The following SPIRE1 variants were observed in gnomAD, a reference collection of about 807,000 sequenced individuals.
SPIRE1 encodes the protein protein spire homolog 1.
SPIRE1 carries 40 observed loss-of-function variants against 94.1 expected under a neutral mutation model. The ratio of observed to expected loss-of-function variants is 0.43; its 90% CI spans 0.33 to 0.55. SPIRE1 has a LOEUF of 0.55. Ranked by LOEUF, SPIRE1 falls within the 20% of genes least tolerant of loss-of-function variation. The pLI, the probability that SPIRE1 is intolerant of heterozygous loss-of-function variation, is 0.06. For synonymous variants in SPIRE1, 376 were observed against 371.7 expected (o/e 1.01, Z -0.13); for missense variants, 838 against 975.2 (o/e 0.86, Z 1.87).
upstream of SPIRE1, among the ~76,000 whole-genome samples, chr18:12,659,085 G>T (rs2038641226): frequency 6.6e-6 from 1 of 152,120 alleles, no homozygotes; most frequent in Non-Finnish European, 1.5e-5. Context: ...ATCACCCATT[G>T]GTAGATTAAT....
chr18:12,552,570 C>T (rs1298931487), intron 2 of SPIRE1, among the ~76,000 whole-genome samples: 2 of 152,030 alleles, frequency 1.3e-5, no homozygotes, highest in Admixed American at 6.6e-5. Context: ...AGCAGACAGC[C>T]CGGCACCACA....
At chr18:12,512,133 G>A (rs1212939089) in intron 5 of SPIRE1, among the ~76,000 whole-genome samples, 1 of 152,184 alleles carries the variant, frequency 6.6e-6, no homozygotes, top group African/African-American at 2.4e-5. Flanking sequence ...GAGAGGCCCA[G>A]GTGGGAGGAT....
chr18:12,486,058 G>A lies in SPIRE1; in HGVS notation c.1190-58C>T, dbSNP rs2033028119. 13 of 1,345,736 alleles carry A rather than the reference G, an allele frequency of 9.7e-6. No individual in the cohort carries two copies. In the Admixed American group the frequency reaches 1.0e-4, roughly 11 times the overall value. The allele number at this position is 1,345,736 out of a possible 1,614,324, so 83.4% of individuals were successfully genotyped here. ...ATAATTCAGCTGTTAGGAATATACA[G>A]AGAGGACAAAAAAGGGAACGGATTA... On this transcript the variant is annotated intron_variant, in intron 8 of 16. Transcript: ENST00000409402.
At chr18:12,515,580 T>C (rs2144057228) in intron 4 of SPIRE1, among the ~76,000 whole-genome samples, 2 of 152,282 alleles carry the variant, frequency 1.3e-5, no homozygotes, top group South Asian at 4.1e-4. Context: ...CTGGAATTAA[T>C]GTAATGAAAG....
intron 4 of SPIRE1, among the ~76,000 whole-genome samples, chr18:12,525,111 C>A (rs2034469815): frequency 6.6e-6 from 1 of 151,410 alleles, no homozygotes; most frequent in South Asian, 2.1e-4. Flanking sequence ...CCCGTCTCTA[C>A]TAAAAATACA....
chr18:12,564,795 G>A (rs181103308), intron 2 of SPIRE1, among the ~76,000 whole-genome samples: 97 of 152,304 alleles, frequency 6.4e-4, no homozygotes, highest in Admixed American at 1.0e-3. Flanking sequence ...GACCTGGTCA[G>A]AGGAGGACCC....
At chr18:12,506,707 C>T in intron 5 of SPIRE1, 66 bp from the exon 6 acceptor site, 1 of 1,407,720 alleles carries the variant, frequency 7.1e-7, no homozygotes, top group Non-Finnish European at 9.9e-7. Flanking sequence ...AACAGCTAGT[C>T]ATACAGAATA....
intron 6 of SPIRE1, among the ~76,000 whole-genome samples, chr18:12,497,157 T>G (rs977503908): frequency 6.6e-6 from 1 of 152,164 alleles, no homozygotes; most frequent in African/African-American, 2.4e-5. Context: ...GATTCACATT[T>G]TGTAAATAAA....
intron 8 of SPIRE1, among the ~76,000 whole-genome samples, chr18:12,492,078 GTA>G (rs1443758006): frequency 1.3e-5 from 2 of 152,178 alleles, no homozygotes; most frequent in African/African-American, 4.8e-5. Flanking sequence ...ACAGCTGGAC[GTA>G]TGAGTCTGCA....
intron 2 of SPIRE1, among the ~76,000 whole-genome samples, chr18:12,551,428 G>A (rs1028025166): frequency 6.6e-5 from 10 of 152,124 alleles, no homozygotes; most frequent in East Asian, 1.9e-4. Context: ...GTGGCTGGGC[G>A]CGGTGGCTCA....
chr18:12,635,100 T>C lies in SPIRE1; in HGVS notation c.338-4A>G. 6.5e-6 allele frequency: 9 copies of C among 1,376,910 alleles called. No individual in the cohort carries two copies. The highest frequency in any genetic ancestry group is 9.0e-6 in the Non-Finnish European group (9 of 999,820). 85.3% of individuals were successfully genotyped at this position (1,376,910 alleles called of 1,614,324 possible). The stretch of plus-strand genomic sequence containing the variant: ...CATTGTGAATATCCCAATTTACCTG[T>C]AATAAAAATGAAAAGGATTACTTTA... On this transcript the variant is annotated splice_polypyrimidine_tract_variant and splice_region_variant and intron_variant, in intron 1 of 16. Coordinates refer to ENST00000409402, the MANE Select transcript of SPIRE1 (RefSeq NM_001128626.2).
At chr18:12,553,663 A>G (rs1014293692) in intron 2 of SPIRE1, among the ~76,000 whole-genome samples, 1 of 151,532 alleles carries the variant, frequency 6.6e-6, no homozygotes, top group Non-Finnish European at 1.5e-5. Flanking sequence ...GCCTGGGGGA[A>G]CTTGCTGCCC....
intron 4 of SPIRE1, among the ~76,000 whole-genome samples, chr18:12,530,665 T>C (rs4332799): frequency 0.019 from 2,925 of 152,272 alleles, 104 homozygotes; most frequent in African/African-American, 0.067. Context: ...CAAATGCTAT[T>C]TGATTTTAAG....
chr18:12,476,606 C>CACACAT (rs1323807612), intron 10 of SPIRE1, among the ~76,000 whole-genome samples: 2 of 131,674 alleles, frequency 1.5e-5, no homozygotes, highest in East Asian at 4.6e-4. Context: ...CACACACACA[C>CACACAT]ACATATATAC....
At chr18:12,643,354 A>C (rs1238782067) in intron 1 of SPIRE1, among the ~76,000 whole-genome samples, 1 of 151,922 alleles carries the variant, frequency 6.6e-6, no homozygotes, top group African/African-American at 2.4e-5. Flanking sequence ...TTGGAGGGGA[A>C]CCTCCCCAAG....
At chr18:12,460,187 C>CT (rs1448669570) in intron 12 of SPIRE1, among the ~76,000 whole-genome samples, 2 of 152,210 alleles carry the variant, frequency 1.3e-5, no homozygotes, top group Non-Finnish European at 2.9e-5. Flanking sequence ...TGCAAACACT[C>CT]TGAGTTTCCT....
intron 10 of SPIRE1, among the ~76,000 whole-genome samples, chr18:12,471,282 TCA>T (rs1200400911): frequency 6.6e-6 from 1 of 152,022 alleles, no homozygotes; most frequent in African/African-American, 2.4e-5. Flanking sequence ...CTTTTCTAAC[TCA>T]GTTTCTACCT....
At position 12,513,227 on chromosome 18, in the gene SPIRE1, C is replaced by T. The variant is rs565372063; in HGVS notation, c.730-696G>A. Among the ~76,000 whole-genome samples the T allele has an allele frequency of 4.6e-5, 7 of 152,234 alleles. No homozygotes were observed. In the South Asian group the frequency reaches 1.0e-3, roughly 23 times the overall value. On this transcript the variant is annotated intron_variant, in intron 4 of 16. Transcript: ENST00000409402. ...TTTTAATTGATAAAAATGCCTCAAA[C>T]TGCATCAATTCAACACTTGCAACTT...
chr18:12,557,846 G>A (rs1368852235), intron 2 of SPIRE1, among the ~76,000 whole-genome samples: 2 of 151,976 alleles, frequency 1.3e-5, no homozygotes, highest in Non-Finnish European at 2.9e-5. Context: ...ACAGAATAGA[G>A]CCCTCAGAAA....
Sources: allele counts gnomAD v4.1 joint callset (sites outside exome capture counted in the v4.1 genomes callset), GRCh38; gene constraint gnomAD v4.1.1; transcripts MANE v1.5; gene names NCBI Gene and HGNC (gene_info 2026-07-23, HGNC 2026-07-21).